The following TRMT9B variants were observed in gnomAD, a reference collection of about 807,000 sequenced individuals.
TRMT9B encodes the protein tRNA methyltransferase 9B (putative), also known as probable tRNA methyltransferase 9B.
In TRMT9B, 16 loss-of-function variants were observed where a neutral mutation model predicts 11.5. The observed-to-expected ratio is 1.39, with a 90% CI of 0.94 to 2.11. The LOEUF (loss-of-function observed/expected upper bound fraction) is 2.11, where lower values mean the gene tolerates loss of function less well. Ranked by LOEUF, TRMT9B falls within the 30% of genes most tolerant of loss-of-function variation. TRMT9B has a pLI of 0.00. For missense variants in TRMT9B, 941 were observed against 553.8 expected (o/e 1.70, Z -7.02); for synonymous variants, 274 against 192.4 (o/e 1.42, Z -3.51).
chr8:12,964,465 C>A (rs1261268248), intron 1 of TRMT9B, among the ~76,000 whole-genome samples: 1 of 152,074 alleles, frequency 6.6e-6, no homozygotes, highest in Admixed American at 6.6e-5. Context: ...GTTCCGTATT[C>A]CTGTTTAATT....
At chr8:12,977,383 C>T (rs1804620117) in intron 1 of TRMT9B, among the ~76,000 whole-genome samples, 1 of 152,124 alleles carries the variant, frequency 6.6e-6, no homozygotes, top group Non-Finnish European at 1.5e-5. Context: ...AAGGAAGTCA[C>T]CATGACCATC....
intron 1 of TRMT9B, among the ~76,000 whole-genome samples, chr8:12,986,330 G>A (rs1422827167): frequency 2.6e-5 from 4 of 151,952 alleles, no homozygotes; most frequent in African/African-American, 7.3e-5. Context: ...CTTCTTTTCT[G>A]TTCTCCACGT....
intron 3 of TRMT9B, chr8:13,010,270 A>G (rs1472810945): frequency 1.0e-5 from 9 of 899,384 alleles, no homozygotes; most frequent in African/African-American, 9.1e-5. Context: ...TTTTTAAACT[A>G]TTCAATAAAT....
intron 1 of TRMT9B, among the ~76,000 whole-genome samples, chr8:12,989,776 C>T (rs903632550): frequency 3.3e-5 from 5 of 152,174 alleles, no homozygotes; most frequent in Non-Finnish European, 7.3e-5. Context: ...AAGGTAGGCT[C>T]TAAAATTGCA....
rs200668099 is a variant in TRMT9B, at chr8:12,990,030, G to A, written c.-199-804G>A. On this transcript the variant is annotated intron_variant, in intron 1 of 4. Transcript: ENST00000524591. ...TTGGGCTGGTGTAGGGGAATGTTGG[G>A]GGAAGGCACACGCATCTCTGAGTAG... 1.3e-4 allele frequency among the ~76,000 whole-genome samples: 20 copies of A among 152,264 alleles called. 1 individual carries two copies. The East Asian group carries it at 3.9e-3, about 29-fold the overall frequency.
chr8:13,021,341 T>C lies in TRMT9B; in HGVS notation c.662T>C (p.Met221Thr), dbSNP rs1813817715. Reference protein sequence around the residue: ...RSHSVGYEPAMARTCFANISK... With the variant: ...RSHSVGYEPATARTCFANISK... ...CACAGCGTGGGCTATGAACCTGCTA[T>C]GGCAAGAACCTGTTTTGCAAATATT... The change falls in exon 5 of 5, where the codon ATG becomes ACG. Residue 221 changes from methionine to threonine, a missense_variant. Coordinates refer to ENST00000524591, the MANE Select transcript of TRMT9B (RefSeq NM_020844.3). 1.2e-6 allele frequency: 2 copies of C among 1,613,922 alleles called. No homozygotes were observed. Among genetic ancestry groups the C allele is most frequent in the South Asian group, 1.1e-5 (1 of 91,086 alleles).
chr8:13,021,312 G>T lies in TRMT9B; in HGVS notation c.633G>T (p.Arg211=), dbSNP rs184240699. The T allele has an allele frequency of 1.6e-5, 26 of 1,614,000 alleles. No individual in the cohort carries two copies. In the Admixed American group the frequency reaches 2.8e-4, roughly 18 times the overall value. ...VCFKEQCGSK[R]SHSVGYEPAM... is the part of the protein sequence containing the mutation. ...TTAAAGAGCAGTGTGGTTCAAAACG[G>T]TCCCACAGCGTGGGCTATGAACCTG... The change falls in exon 5 of 5, where the codon CGG becomes CGT. Residue 211 remains arginine (R), a synonymous_variant. Transcript: ENST00000524591.
intron 4 of TRMT9B, among the ~76,000 whole-genome samples, chr8:13,014,669 G>A (rs1020140976): frequency 1.3e-5 from 2 of 152,162 alleles, no homozygotes; most frequent in South Asian, 4.1e-4. Context: ...ATAACCCGGA[G>A]AAAACCTTTT....
At chr8:13,004,183 G>A (rs1268120411) in intron 2 of TRMT9B, among the ~76,000 whole-genome samples, 1 of 151,932 alleles carries the variant, frequency 6.6e-6, no homozygotes, top group Non-Finnish European at 1.5e-5. Context: ...CCTCACCACT[G>A]TAGGCTAAAG....
intron 1 of TRMT9B, among the ~76,000 whole-genome samples, chr8:12,975,188 T>C (rs1201145255): frequency 6.6e-6 from 1 of 152,120 alleles, no homozygotes; most frequent in Non-Finnish European, 1.5e-5. Context: ...GTACAGATAG[T>C]TCATCCTCAT....
At chr8:12,976,789 G>A (rs1365958292) in intron 1 of TRMT9B, among the ~76,000 whole-genome samples, 1 of 152,162 alleles carries the variant, frequency 6.6e-6, no homozygotes, top group East Asian at 1.9e-4. Context: ...AGGGAAAGCG[G>A]AAAGACTGGA....
intron 3 of TRMT9B, chr8:13,006,662 C>G (rs1810534681): frequency 7.4e-7 from 1 of 1,349,396 alleles, no homozygotes; most frequent in Non-Finnish European, 9.5e-7. Flanking sequence ...CTTTCTCAAA[C>G]TTTTATTTTA....
At chr8:12,954,587 G>A (rs991451280) in intron 1 of TRMT9B, among the ~76,000 whole-genome samples, 1 of 152,184 alleles carries the variant, frequency 6.6e-6, no homozygotes, top group African/African-American at 2.4e-5. Context: ...GCAATCTTAT[G>A]TTTTTACTCG....
At chr8:13,003,784 C>T (rs904002103) in intron 2 of TRMT9B, among the ~76,000 whole-genome samples, 4 of 150,592 alleles carry the variant, frequency 2.7e-5, no homozygotes, top group African/African-American at 9.8e-5. Context: ...ACTCCGCCAC[C>T]CTCCCCACAA....
At chr8:13,015,876 C>T (rs915321072) in intron 4 of TRMT9B, among the ~76,000 whole-genome samples, 7 of 152,014 alleles carry the variant, frequency 4.6e-5, no homozygotes, top group African/African-American at 1.7e-4. Flanking sequence ...GAGTGGAAAA[C>T]AGCACGCGTT....
In TRMT9B at chr8:13,020,891, TAAG is replaced by T. The variant is rs796525826; in HGVS notation, c.329-113_329-111del. ...GTCATCATCGTTGCCATGGAGGAAA[TAAG>T]AAGGTTTCATTAGATGTCAAAATTT... is the stretch of plus-strand genomic sequence containing the variant. On this transcript the variant is annotated intron_variant, in intron 4 of 4. Coordinates refer to ENST00000524591, the MANE Select transcript of TRMT9B (RefSeq NM_020844.3). The T allele has an allele frequency of 1.3e-5, 8 of 624,934 alleles. No individual in the cohort carries two copies. The African/African-American group carries it at 1.3e-4, about 10-fold the overall frequency. The allele number at this position is 624,934 out of a possible 1,614,324, so 38.7% of individuals were successfully genotyped here.
rs769496117 is a variant in TRMT9B at position 13,028,831 on chromosome 8, C to G, written c.*6787C>G. 1 of 166,670 alleles carries G rather than the reference C, an allele frequency of 6.0e-6. No individual in the cohort carries two copies. The highest frequency in any genetic ancestry group is 2.4e-5 in the African/African-American group (1 of 41,326). 10.3% of individuals were successfully genotyped at this position (166,670 alleles called of 1,614,324 possible). A position where few individuals can be genotyped will look rare whatever the true frequency, so the allele number is the denominator to read the frequency against. ...CCTGACCTCTTACGAGCTAATCATACCACTTCTAACTAGATTTTCTATTAA... is the reference window on the plus strand; with the variant it reads ...CCTGACCTCTTACGAGCTAATCATAGCACTTCTAACTAGATTTTCTATTAA... On this transcript the variant is annotated 3_prime_UTR_variant, in exon 5 of 5. Coordinates refer to ENST00000524591, the MANE Select transcript of TRMT9B (RefSeq NM_020844.3).
At chr8:12,964,052 T>C (rs1802491065) in intron 1 of TRMT9B, among the ~76,000 whole-genome samples, 1 of 152,216 alleles carries the variant, frequency 6.6e-6, no homozygotes, top group Non-Finnish European at 1.5e-5. Flanking sequence ...ATGAACTGTG[T>C]AACTTCTCAT....
intron 1 of TRMT9B, among the ~76,000 whole-genome samples, chr8:12,981,349 G>A (rs1014478563): frequency 7.9e-5 from 12 of 152,160 alleles, no homozygotes; most frequent in African/African-American, 2.9e-4. Context: ...TGTGAATTGG[G>A]GGTGGGACAT....
Sources: allele counts gnomAD v4.1 joint callset (sites outside exome capture counted in the v4.1 genomes callset), GRCh38; gene constraint gnomAD v4.1.1; transcripts MANE v1.5; gene names NCBI Gene and HGNC (gene_info 2026-07-23, HGNC 2026-07-21).